WDR4: variants seen among roughly 807,000 people sequenced by gnomAD.
WDR4 encodes the protein WDR4 tRNA N7-guanosine methyltransferase non-catalytic subunit.
WDR4 carries 47 observed loss-of-function variants against 48.6 expected under a neutral mutation model. The observed-to-expected ratio is 0.97, with a 90% CI of 0.77 to 1.23. WDR4 has a LOEUF of 1.23. WDR4 is among the 50% of genes most tolerant of loss of function. WDR4 has a pLI of 0.00. For missense variants in WDR4, 606 were observed against 551.6 expected, an observed-to-expected ratio of 1.10 and a Z score of -0.99; for synonymous variants, 268 against 230.0, an observed-to-expected ratio of 1.17 and a Z score of -1.49.
At chr21:42,878,143 CAT>C (rs1019473417) in intron 1 of WDR4, among the ~76,000 whole-genome samples, 7 of 151,902 alleles carry the variant, frequency 4.6e-5, no homozygotes, top group Non-Finnish European at 8.8e-5. Flanking sequence ...TATTTAGAAA[CAT>C]ATCTCACCTA....
At chr21:42,882,779 A>G (rs1038830963), upstream of WDR4, among the ~76,000 whole-genome samples, 15 of 152,082 alleles carry the variant, frequency 9.9e-5, no homozygotes, top group Admixed American at 9.8e-4. Flanking sequence ...CCTGGCCAAC[A>G]TGGGGAAACC....
At chr21:42,886,104 G>A in the WDR4 span, among the ~76,000 whole-genome samples, 3 of 151,910 alleles carry the variant, frequency 2.0e-5, no homozygotes, top group Non-Finnish European at 4.4e-5. Context: ...CTACAGGCAT[G>A]TGCCACCAAG....
chr21:42,879,755 A>C (rs1377630890), upstream of WDR4: 3 of 487,272 alleles, frequency 6.2e-6, no homozygotes, highest in Non-Finnish European at 1.1e-5. Context: ...CACGATTCCA[A>C]GTACTTGCCT....
chr21:42,879,682 T>C (rs367611267), upstream of WDR4: 27 of 633,536 alleles, frequency 4.3e-5, no homozygotes, highest in African/African-American at 4.1e-4. Context: ...TTGTGGCTGG[T>C]GGCCTTCGGT....
chr21:42,867,639 C>T lies in WDR4; in HGVS notation c.297-4043G>A, dbSNP rs2058278424. 2.0e-5 allele frequency among the ~76,000 whole-genome samples: 3 copies of T among 152,164 alleles called. No individual in the cohort carries two copies. In the South Asian group the frequency reaches 6.2e-4, roughly 31 times the overall value. ...TGAGCATTTCCTTTGAGCATCTTCC[C>T]TATGCTCACAAAATTTCGGATTTTG... On this transcript the variant is annotated intron_variant, in intron 3 of 10. Transcript: ENST00000398208.
chr21:42,876,184 C>G (rs2058486768), intron 2 of WDR4, among the ~76,000 whole-genome samples: 1 of 150,898 alleles, frequency 6.6e-6, no homozygotes, highest in African/African-American at 2.4e-5. Flanking sequence ...AGATTATAGG[C>G]ATGAGCCACC....
intron 3 of WDR4, 79 bp downstream of exon 3, chr21:42,873,472 T>C (rs1199681346): frequency 6.4e-7 from 1 of 1,568,750 alleles, no homozygotes; most frequent in African/African-American, 1.4e-5. Context: ...ATCACCATGT[T>C]ATGGTCACTA....
chr21:42,876,985 A>G (rs1366667244), intron 1 of WDR4, among the ~76,000 whole-genome samples: 1 of 151,580 alleles, frequency 6.6e-6, no homozygotes, highest in Admixed American at 6.6e-5. Context: ...CTCCCAGCTA[A>G]TTTTTACTTT....
intron 3 of WDR4, among the ~76,000 whole-genome samples, chr21:42,871,234 C>T (rs1045270774): frequency 3.3e-5 from 5 of 152,236 alleles, no homozygotes; most frequent in African/African-American, 1.2e-4. Flanking sequence ...GCCCCTACAA[C>T]TGTGAGAAAA....
intron 6 of WDR4, among the ~76,000 whole-genome samples, chr21:42,856,529 G>C (rs577960700): frequency 2.6e-5 from 4 of 151,948 alleles, no homozygotes; most frequent in African/African-American, 9.7e-5. Context: ...CTCAGCCTCC[G>C]AGTAGCTGGG....
chr21:42,867,393 CAAA>C (rs1209418380), intron 3 of WDR4, among the ~76,000 whole-genome samples: 3 of 133,512 alleles, frequency 2.2e-5, no homozygotes, highest in Non-Finnish European at 1.6e-5. Context: ...TCCGCTCCAC[CAAA>C]AAAAAAAAAA....
chr21:42,872,359 C>T (rs574246751), intron 3 of WDR4, among the ~76,000 whole-genome samples: 14 of 152,128 alleles, frequency 9.2e-5, no homozygotes, highest in African/African-American at 3.4e-4. Context: ...CCTGTAATCC[C>T]AGCACTTTGG....
downstream of WDR4, among the ~76,000 whole-genome samples, chr21:42,844,586 G>A (rs547046631): frequency 2.0e-5 from 3 of 152,192 alleles, no homozygotes; most frequent in African/African-American, 2.4e-5. Context: ...GGAACCCCAC[G>A]TCGGCTGAGA....
chr21:42,850,305 G>C lies in WDR4; in HGVS notation c.1046-63C>G, dbSNP rs1017070900. ...AGGAACATGGGACTCGGCCACCACA[G>C]CGGGCCCCCTGCAGCAGGGAGTTAC... On this transcript the variant is annotated intron_variant, in intron 10 of 10. Transcript: ENST00000398208. The C allele has an allele frequency of 2.0e-5, 29 of 1,453,116 alleles. No homozygotes were observed. The African/African-American group carries it at 3.9e-4, about 19-fold the overall frequency. 90.0% of individuals were successfully genotyped at this position (1,453,116 alleles called of 1,614,324 possible). A position where few individuals can be genotyped will look rare whatever the true frequency, so the allele number is the denominator to read the frequency against.
intron 2 of WDR4, among the ~76,000 whole-genome samples, chr21:42,876,227 T>TTTTTTTTTTTTTTTTTTTTTG: frequency 6.8e-6 from 1 of 147,508 alleles, no homozygotes. Context: ...TCTTTTTTTT[T>TTTTTTTTTTTTTTTTTTTTTG]TTGGGAGACA....
Position 42,863,555 on chromosome 21 carries a change from G to C in WDR4, c.338C>G (p.Ser113Trp), listed in dbSNP as rs770041614. The C allele has an allele frequency of 1.9e-6, 3 of 1,613,868 alleles. No individual in the cohort carries two copies. The highest frequency in any genetic ancestry group is 2.2e-5 in the South Asian group (2 of 91,032). Residue 113 changes from serine to tryptophan, a missense_variant, in exon 4 of 11, where the codon TCG becomes TGG. Physicochemically the swap from Ser to Trp is radical, Grantham distance 177 (BLOSUM62 -3). Transcript: ENST00000398208. ...RRCTALTFIA[S>W]EEKVLVADKS... ...GTCGGCCACCAAGACCTTCTCCTCC[G>C]AGGCTATGAAAGTCAGGGCTGTACA... is the stretch of plus-strand genomic sequence containing the variant.
downstream of WDR4, among the ~76,000 whole-genome samples, chr21:42,845,702 A>T (rs917604127): frequency 6.6e-6 from 1 of 152,228 alleles, no homozygotes; most frequent in African/African-American, 2.4e-5. Context: ...GGCGTTGAGG[A>T]TGCACTGCGT....
At chr21:42,866,755 TCTCA>T (rs2058256642) in intron 3 of WDR4, among the ~76,000 whole-genome samples, 2 of 152,024 alleles carry the variant, frequency 1.3e-5, no homozygotes, top group South Asian at 4.2e-4. Context: ...CCCTCCAATT[TCTCA>T]CTGAGAGAAA....
chr21:42,868,309 A>G (rs1413191370), intron 3 of WDR4, among the ~76,000 whole-genome samples: 3 of 152,224 alleles, frequency 2.0e-5, no homozygotes, highest in Non-Finnish European at 4.4e-5. Flanking sequence ...AAAGTGAGAC[A>G]CTACCTCTGG....
Sources: gnomAD v4.1 joint callset for allele counts (sites outside exome capture counted in the v4.1 genomes callset) on GRCh38, gnomAD v4.1.1 for gene constraint, MANE v1.5 for transcripts, NCBI Gene and HGNC (gene_info 2026-07-23, HGNC 2026-07-21) for gene names.